GRIK2: variants seen among roughly 807,000 people sequenced by gnomAD.
GRIK2 encodes glutamate receptor ionotropic, kainate 2.
A neutral mutation model predicts 100.3 loss-of-function variants in GRIK2; 32 were observed. The ratio of observed to expected loss-of-function variants is 0.32; its 90% confidence interval spans 0.24 to 0.43. GRIK2 has a LOEUF of 0.43. Among genes scored for constraint, GRIK2 ranks in the 20% least tolerant of loss-of-function variants. The pLI is 1.00. For missense variants in GRIK2, 843 were observed against 1,114.9 expected, an observed-to-expected ratio of 0.76 and a Z score of 3.47; for synonymous variants, 417 against 389.4, an observed-to-expected ratio of 1.07 and a Z score of -0.83.
intron 2 of GRIK2, among the ~76,000 whole-genome samples, chr6:101,611,744 T>C (rs1247050146): frequency 2.0e-5 from 3 of 151,792 alleles, no homozygotes; most frequent in African/African-American, 7.3e-5. Context: ...AATGAGTACA[T>C]TACGCTATAT....
At chr6:101,505,547 A>C (rs1296317723) in intron 2 of GRIK2, among the ~76,000 whole-genome samples, 1 of 152,180 alleles carries the variant, frequency 6.6e-6, no homozygotes, top group Admixed American at 6.6e-5. Context: ...GAGCCAGAGC[A>C]ATACTATCCA....
chr6:101,944,878 G>C (rs1791180276), intron 14 of GRIK2, among the ~76,000 whole-genome samples: 1 of 151,990 alleles, frequency 6.6e-6, no homozygotes, highest in Non-Finnish European at 1.5e-5. Flanking sequence ...TTTGTTTTGA[G>C]ATTGATAAAT....
chr6:101,610,584 T>G (rs1372655442), intron 2 of GRIK2, among the ~76,000 whole-genome samples: 1 of 151,840 alleles, frequency 6.6e-6, no homozygotes, highest in East Asian at 1.9e-4. Flanking sequence ...GATCTGAAAT[T>G]CAGAATCATT....
Position 101,915,530 on chromosome 6 carries a change from A to G in GRIK2, c.1749-9071A>G, listed in dbSNP as rs141692070. Among the ~76,000 whole-genome samples the G allele has an allele frequency of 3.4e-3, 490 of 146,158 alleles. 2 individuals carry two copies. The highest frequency in any genetic ancestry group is 0.012 in the African/African-American group (480 of 39,826). ...AAAAGAAACCTTTATTTTATTTACT[A>G]TGGAATAAAACAGTATTTTAGGAAA... On this transcript the variant is annotated intron_variant, in intron 12 of 16. Coordinates refer to ENST00000369134, the MANE Select transcript of GRIK2 (RefSeq NM_021956.5).
intron 7 of GRIK2, among the ~76,000 whole-genome samples, chr6:101,745,998 C>T (rs934732052): frequency 6.6e-5 from 10 of 152,152 alleles, no homozygotes; most frequent in East Asian, 1.9e-4. Context: ...TTATATTTCG[C>T]GGAGTCTCAT....
chr6:102,005,231 C>T (rs934729417), intron 14 of GRIK2, among the ~76,000 whole-genome samples: 3 of 151,392 alleles, frequency 2.0e-5, no homozygotes, highest in African/African-American at 4.8e-5. Flanking sequence ...TACACACATA[C>T]AATCATATAA....
chr6:102,004,587 A>G lies in GRIK2; in HGVS notation c.2086-30754A>G, dbSNP rs181607496. Among the ~76,000 whole-genome samples the G allele has an allele frequency of 3.1e-4, 47 of 152,074 alleles. 1 individual carries two copies. Among genetic ancestry groups the G allele is most frequent in the Admixed American group, 2.8e-3 (42 of 15,230 alleles). ...TTAAAATTACTAAATCCATACAATG[A>G]CCATATGATCACAGAGGGTCAGAAG... On this transcript the variant is annotated intron_variant, in intron 14 of 16. Coordinates refer to ENST00000369134, the MANE Select transcript of GRIK2 (RefSeq NM_021956.5).
intron 7 of GRIK2, among the ~76,000 whole-genome samples, chr6:101,714,298 G>A (rs996424780): frequency 6.6e-6 from 1 of 151,570 alleles, no homozygotes; most frequent in African/African-American, 2.4e-5. Flanking sequence ...AATACCTGTT[G>A]GAAACACTTT....
chr6:102,025,698 C>T (rs958309669), intron 14 of GRIK2, among the ~76,000 whole-genome samples: 2 of 151,146 alleles, frequency 1.3e-5, no homozygotes, highest in African/African-American at 2.4e-5. Context: ...TTTTAATTCT[C>T]AGTGTACTTG....
chr6:101,858,425 T>TC (rs1390825099), intron 10 of GRIK2, among the ~76,000 whole-genome samples: 3 of 148,058 alleles, frequency 2.0e-5, no homozygotes, highest in African/African-American at 7.5e-5. Flanking sequence ...TCTCACTCTG[T>TC]CACCCAGACT....
At chr6:101,924,756 T>A (rs773566956) in intron 13 of GRIK2, 37 bp downstream of exon 13, 5 of 1,274,486 alleles carry the variant, frequency 3.9e-6, no homozygotes, top group Non-Finnish European at 5.7e-6. Flanking sequence ...TTGGGCACCA[T>A]GTCCCACTCT....
chr6:101,928,129 T>TA, intron 13 of GRIK2: 1 of 343,656 alleles, frequency 2.9e-6, no homozygotes, highest in East Asian at 5.3e-5. Context: ...CTATTTTTAT[T>TA]AAAAATGTTT....
intron 10 of GRIK2, among the ~76,000 whole-genome samples, chr6:101,824,641 C>A (rs1356134401): frequency 6.6e-6 from 1 of 152,146 alleles, no homozygotes; most frequent in Non-Finnish European, 1.5e-5. Context: ...CTTTAGCATA[C>A]AAATGACTAT....
At chr6:101,814,189 TAAA>T (rs1031158311) in intron 9 of GRIK2, among the ~76,000 whole-genome samples, 12 of 151,906 alleles carry the variant, frequency 7.9e-5, no homozygotes, top group African/African-American at 2.9e-4. Flanking sequence ...GAGTAGAAAG[TAAA>T]TAATAAACAC....
At chr6:101,588,683 C>G (rs56247472) in intron 2 of GRIK2, among the ~76,000 whole-genome samples, 8,564 of 140,732 alleles carry the variant, frequency 0.061, 337 homozygotes, top group South Asian at 0.12. Flanking sequence ...CACACACACA[C>G]AGAAAAGAAA....
chr6:101,598,300 G>T (rs1779024185), intron 2 of GRIK2, among the ~76,000 whole-genome samples: 1 of 151,404 alleles, frequency 6.6e-6, no homozygotes, highest in East Asian at 2.0e-4. Flanking sequence ...GTTGTTAGCA[G>T]AACTGTTTGT....
At chr6:101,683,807 T>G (rs1345632601) in intron 6 of GRIK2, among the ~76,000 whole-genome samples, 2 of 152,226 alleles carry the variant, frequency 1.3e-5, no homozygotes, top group African/African-American at 4.8e-5. Flanking sequence ...AATTGACGTC[T>G]CTTCTGATTA....
At chr6:101,776,870 A>C (rs1406136915) in intron 7 of GRIK2, among the ~76,000 whole-genome samples, 1 of 152,206 alleles carries the variant, frequency 6.6e-6, no homozygotes, top group East Asian at 1.9e-4. Flanking sequence ...AAACAGCATG[A>C]GGCCTGTTCT....
intron 11 of GRIK2, among the ~76,000 whole-genome samples, chr6:101,885,547 T>C (rs1345692084): frequency 6.6e-6 from 1 of 152,116 alleles, no homozygotes; most frequent in Non-Finnish European, 1.5e-5. Flanking sequence ...TGAGTATCAA[T>C]AGAGGTGAAA....
Sources: gnomAD v4.1 joint callset for allele counts (sites outside exome capture counted in the v4.1 genomes callset) on GRCh38, gnomAD v4.1.1 for gene constraint, MANE v1.5 for transcripts, NCBI Gene and HGNC (gene_info 2026-07-23, HGNC 2026-07-21) for gene names.